Variants in MTMR14 observed in about 807,000 individuals in gnomAD.
MTMR14 encodes phosphatidylinositol-3,5-bisphosphate 3-phosphatase MTMR14.
In MTMR14, 48 loss-of-function variants were observed where a neutral mutation model predicts 86.3. That is an observed-to-expected ratio of 0.56 (90% confidence interval 0.44 to 0.71). The LOEUF is 0.71. Ranked by LOEUF, MTMR14 falls within the 30% of genes least tolerant of loss-of-function variation. The pLI is 0.00. For synonymous variants in MTMR14, 366 were observed against 326.1 expected (o/e 1.12, Z -1.32); for missense variants, 780 against 834.6 (o/e 0.93, Z 0.81).
In MTMR14 at chr3:9,677,022, T is replaced by C. The variant is rs545967329; in HGVS notation, c.752-295T>C. 1.1e-4 allele frequency among the ~76,000 whole-genome samples: 16 copies of C among 152,224 alleles called. No homozygotes were observed. Among genetic ancestry groups the C allele is most frequent in the Admixed American group, 7.2e-4 (11 of 15,292 alleles). ...CTGTAGGACAAAGGGACTTGCAATGTGGGGGAAGTGACTGGTGACCAGTGA... is the reference window on the plus strand; with the variant it reads ...CTGTAGGACAAAGGGACTTGCAATGCGGGGGAAGTGACTGGTGACCAGTGA... On this transcript the variant is annotated intron_variant, in intron 7 of 18. Transcript: ENST00000296003. The surrounding 1 kb of genome is among the most constrained non-coding windows in gnomAD (Gnocchi z 4.2).
At chr3:9,687,708 A>C (rs2076005889) in intron 13 of MTMR14, 113 bp from the exon 14 acceptor site, 1 of 836,372 alleles carries the variant, frequency 1.2e-6, no homozygotes, top group Admixed American at 2.0e-5. Flanking sequence ...ACACAGTCCC[A>C]CAGCAGGGCC....
At chr3:9,687,761 C>G (rs2076008210) in intron 13 of MTMR14, 60 bp from the exon 14 acceptor site, 2 of 1,464,342 alleles carry the variant, frequency 1.4e-6, no homozygotes, top group East Asian at 4.9e-5. Context: ...GGCCGCCCTC[C>G]CCTGGGAGTT....
At chr3:9,650,191 A>G (rs1442908775) in intron 1 of MTMR14, 10 of 382,644 alleles carry the variant, frequency 2.6e-5, no homozygotes, top group Admixed American at 2.5e-4. Context: ...CTGCCCCCTT[A>G]TAAGGTCTCA....
chr3:9,651,729 G>A (rs561670886), intron 1 of MTMR14, among the ~76,000 whole-genome samples: 9 of 151,988 alleles, frequency 5.9e-5, no homozygotes, highest in Admixed American at 3.9e-4. Context: ...GCAGTGGTGC[G>A]ATCTTGGCTC....
In MTMR14 at chr3:9,670,817, A is replaced by G. The variant is rs1048481924; in HGVS notation, c.555-231A>G. On this transcript the variant is annotated intron_variant, in intron 5 of 18. Transcript: ENST00000296003. The stretch of plus-strand genomic sequence containing the variant: ...AAGTCCTTTTCCATTTCCACCTGCA[A>G]ATTTCTCTTCTTTGAAATACATCCC... Among the ~76,000 whole-genome samples, 47 of 152,142 alleles carry G rather than the reference A, an allele frequency of 3.1e-4. No homozygotes were observed. Among genetic ancestry groups the G allele is most frequent in the Admixed American group, 2.0e-4 (3 of 15,270 alleles).
chr3:9,660,704 A>G (rs935450062), intron 2 of MTMR14, among the ~76,000 whole-genome samples: 3 of 152,356 alleles, frequency 2.0e-5, no homozygotes, highest in Non-Finnish European at 2.9e-5. Flanking sequence ...ATTTGGGTGC[A>G]TGTGTACAAG....
At chr3:9,650,477 G>A in intron 1 of MTMR14, 1 of 436,396 alleles carries the variant, frequency 2.3e-6, no homozygotes, top group South Asian at 1.6e-5. Flanking sequence ...TTTTCCAGTG[G>A]AATTCTGTTC....
chr3:9,700,462 C>T (rs933248473), intron 18 of MTMR14: 1 of 152,192 alleles, frequency 6.6e-6, no homozygotes, highest in Non-Finnish European at 1.5e-5. Context: ...TTGGGGATGT[C>T]ACACAGCCTC....
At chr3:9,672,805 T>C in intron 7 of MTMR14, 47 bp downstream of exon 7, 4 of 1,563,810 alleles carry the variant, frequency 2.6e-6, no homozygotes, top group South Asian at 2.2e-5. Context: ...CTGGGGACCT[T>C]GGGGGCCATG....
chr3:9,671,200 C>T, intron 6 of MTMR14, 30 bp downstream of exon 6: 1 of 1,613,924 alleles, frequency 6.2e-7, no homozygotes. Context: ...ACAAAATGAG[C>T]AGAGGCAGTG....
intron 7 of MTMR14, 42 bp downstream of exon 7, chr3:9,672,800 G>A (rs778888877): frequency 6.3e-7 from 1 of 1,581,826 alleles, no homozygotes; most frequent in Non-Finnish European, 8.7e-7. Flanking sequence ...TAGGACTGGG[G>A]ACCTTGGGGG....
chr3:9,677,868 C>T lies in MTMR14; in HGVS notation c.823-116C>T. ...CTCCCAGGTAGCACAGGTATCTGGC[C>T]CAGAGAAGGCAAGCACTGCCTGTGG... On this transcript the variant is annotated intron_variant, in intron 8 of 18. Coordinates refer to ENST00000296003, the MANE Select transcript of MTMR14 (RefSeq NM_001077525.3). The surrounding 1 kb of genome is among the most constrained non-coding windows in gnomAD (Gnocchi z 4.2). 1.2e-6 allele frequency: 1 copy of T among 858,978 alleles called. No individual in the cohort carries two copies. Among genetic ancestry groups the T allele is most frequent in the Non-Finnish European group, 1.9e-6 (1 of 531,464 alleles). The allele number at this position is 858,978 out of a possible 1,614,324, so 53.2% of individuals were successfully genotyped here.
In MTMR14 at chr3:9,701,503, T is replaced by C. The variant is rs1213426216; in HGVS notation, c.1770-287T>C. Reference sequence around the variant, plus strand: ...TGTCACTGCATTCCAGCCTGGGCAATAGAGTGAGACCTTGTCTCAAGAAAA... The same window carrying C: ...TGTCACTGCATTCCAGCCTGGGCAACAGAGTGAGACCTTGTCTCAAGAAAA... On this transcript the variant is annotated intron_variant, in intron 18 of 18. Transcript: ENST00000296003. The surrounding 1 kb of genome is among the most constrained non-coding windows in gnomAD (Gnocchi z 4.2). The C allele has an allele frequency of 1.6e-5, 7 of 451,384 alleles. No homozygotes were observed. Among genetic ancestry groups the C allele is most frequent in the East Asian group, 4.3e-5 (1 of 23,482 alleles). The allele number at this position is 451,384 out of a possible 1,614,324, so 28.0% of individuals were successfully genotyped here.
intron 13 of MTMR14, among the ~76,000 whole-genome samples, chr3:9,687,509 C>G (rs548839882): frequency 3.2e-4 from 48 of 151,950 alleles, no homozygotes; most frequent in Middle Eastern, 6.8e-3. Flanking sequence ...GAGCCGAGAT[C>G]ACGCCATTGC....
chr3:9,681,737 C>T (rs188538109), intron 9 of MTMR14, among the ~76,000 whole-genome samples: 1 of 152,288 alleles, frequency 6.6e-6, no homozygotes, highest in Non-Finnish European at 1.5e-5. Flanking sequence ...GAGCAGTTCC[C>T]TCAGACTTCT....
chr3:9,653,566 C>T (rs2047431330), intron 1 of MTMR14, 55 bp from the exon 2 acceptor site: 2 of 1,612,458 alleles, frequency 1.2e-6, no homozygotes, highest in Non-Finnish European at 1.7e-6. Context: ...CCTCCTAATT[C>T]TCACCCTCAG....
intron 5 of MTMR14, among the ~76,000 whole-genome samples, chr3:9,670,009 G>C (rs17050494): frequency 6.6e-6 from 1 of 152,282 alleles, no homozygotes; most frequent in East Asian, 1.9e-4. Context: ...TACAGAACAG[G>C]AGTTTGAGTC....
intron 10 of MTMR14, 132 bp from the exon 11 acceptor site, chr3:9,684,452 TG>T (rs1351859487): frequency 1.9e-5 from 16 of 827,562 alleles, no homozygotes; most frequent in Non-Finnish European, 3.4e-5. Flanking sequence ...AGAAGAGCCA[TG>T]GGGAGGCCAC....
At position 9,686,488 on chromosome 3, in the gene MTMR14, C is replaced by CA. The variant is rs955655614; in HGVS notation, c.1164+1241_1164+1242insA. Among the ~76,000 whole-genome samples, 3 of 151,986 alleles carry CA rather than the reference C, an allele frequency of 2.0e-5. No individual in the cohort carries two copies. In the East Asian group the frequency reaches 5.8e-4, roughly 29 times the overall value. ...TTCATCTTCAGGACCTTTCTGTTAC[C>CA]CCCCCCAGACAATCCAGACACTGAT... On this transcript the variant is annotated intron_variant, in intron 13 of 18. Coordinates refer to ENST00000296003, the MANE Select transcript of MTMR14 (RefSeq NM_001077525.3).
Sources: gnomAD v4.1 joint callset for allele counts (sites outside exome capture counted in the v4.1 genomes callset) on GRCh38, gnomAD v4.1.1 for gene constraint, Gnocchi (gnomAD v3.1) non-coding constraint, MANE v1.5 for transcripts, NCBI Gene and HGNC (gene_info 2026-07-23, HGNC 2026-07-21) for gene names.